The following HERC2 variants were observed in gnomAD, a reference collection of about 807,000 sequenced individuals.
HERC2 encodes the protein E3 ubiquitin-protein ligase HERC2.
In HERC2, 102 loss-of-function variants were observed where a neutral mutation model predicts 537.7. The ratio of observed to expected loss-of-function variants is 0.19; its 90% confidence interval spans 0.16 to 0.22. The LOEUF (loss-of-function observed/expected upper bound fraction) is 0.22. HERC2 is among the 10% of genes least tolerant of loss of function. HERC2 has a pLI of 1.00. For synonymous variants in HERC2, 2,224 were observed against 2,466.2 expected (o/e 0.90, Z 2.91); for missense variants, 4,236 against 6,198.2 (o/e 0.68, Z 10.63).
chr15:28,230,856 G>T (rs1901758553), intron 30 of HERC2, among the ~76,000 whole-genome samples: 1 of 152,032 alleles, frequency 6.6e-6, no homozygotes, highest in South Asian at 2.1e-4. Context: ...AGCAACAGGT[G>T]TGGCTGTGCT....
chr15:28,274,194 C>A, intron 7 of HERC2, 97 bp downstream of exon 7: 2 of 1,300,918 alleles, frequency 1.5e-6, no homozygotes, highest in South Asian at 1.4e-5. Context: ...GAAAAACCAA[C>A]CTACTAGGCT....
chr15:28,178,796 A>T, intron 59 of HERC2, 91 bp downstream of exon 59: 4 of 1,347,378 alleles, frequency 3.0e-6, no homozygotes, highest in Non-Finnish European at 4.0e-6. Context: ...AAACTTAAGA[A>T]AGAATGTAAG....
Position 28,124,181 on chromosome 15 carries a change from G to T in HERC2, c.13044C>A (p.Asn4348Lys). ...LQEIPIIALR[N>K]RLLLLHHLSE... Reference sequence around the variant, plus strand: ...AGAGGTGGTGCAGCAGCAGCAGACGGTTCCTCAGCGCAATGATGGGGATCT... The same window carrying T: ...AGAGGTGGTGCAGCAGCAGCAGACGTTTCCTCAGCGCAATGATGGGGATCT... Residue 4348 changes from asparagine to lysine, a missense_variant, in exon 85 of 93, where the codon AAC (asparagine) becomes AAA (lysine). Coordinates refer to ENST00000261609, the MANE Select transcript of HERC2 (RefSeq NM_004667.6). 1 of 1,564,714 alleles carries T rather than the reference G, an allele frequency of 6.4e-7. No individual in the cohort carries two copies. Among genetic ancestry groups the T allele is most frequent in the South Asian group, 1.2e-5 (1 of 84,272 alleles).
At chr15:28,125,290 T>C (rs1384685576) in intron 83 of HERC2, 97 bp from the exon 84 acceptor site, 1 of 976,806 alleles carries the variant, frequency 1.0e-6, no homozygotes, top group South Asian at 1.4e-5. Context: ...CAACGCTCCC[T>C]GCCCTTCAGC....
intron 92 of HERC2, among the ~76,000 whole-genome samples, chr15:28,112,427 T>A (rs1887747700): frequency 6.6e-6 from 1 of 152,178 alleles, no homozygotes; most frequent in Non-Finnish European, 1.5e-5. Context: ...GGACAAAAAC[T>A]AAGAATTACT....
At chr15:28,276,593 G>T (rs2075880607) in intron 5 of HERC2, among the ~76,000 whole-genome samples, 1 of 151,902 alleles carries the variant, frequency 6.6e-6, no homozygotes. Flanking sequence ...AAATTAGCCG[G>T]GTGTGGTGGT....
intron 79 of HERC2, 46 bp downstream of exon 79, chr15:28,135,426 CAAACAA>C: frequency 6.9e-7 from 1 of 1,447,524 alleles, no homozygotes; most frequent in East Asian, 2.3e-5. Context: ...AGCATTAAAA[CAAACAA>C]AAACAAAGAC....
intron 3 of HERC2, among the ~76,000 whole-genome samples, chr15:28,295,468 C>T (rs1228756334): frequency 6.6e-6 from 1 of 152,128 alleles, no homozygotes; most frequent in Admixed American, 6.6e-5. Flanking sequence ...ACAACCTCTG[C>T]CTCCCAGGTT....
At position 28,261,033 on chromosome 15, in the gene HERC2, T is replaced by G. The variant is rs539113745; in HGVS notation, c.2123-63A>C. Reference sequence around the variant, plus strand: ...TATGACTTCCGCTGCAAGAAAGATATTTCCTAGGCCATTCAGGTCAGACAG... The same window carrying G: ...TATGACTTCCGCTGCAAGAAAGATAGTTCCTAGGCCATTCAGGTCAGACAG... On this transcript the variant is annotated intron_variant, in intron 15 of 92. Transcript: ENST00000261609. The G allele has an allele frequency of 1.5e-5, 19 of 1,277,142 alleles. No homozygotes were observed. In the South Asian group the frequency reaches 2.5e-4, roughly 17 times the overall value. The allele number at this position is 1,277,142 out of a possible 1,614,324, so 79.1% of individuals were successfully genotyped here.
At chr15:28,226,804 C>A (rs550393769) in intron 35 of HERC2, among the ~76,000 whole-genome samples, 1 of 152,248 alleles carries the variant, frequency 6.6e-6, no homozygotes, top group African/African-American at 2.4e-5. Context: ...ATCCAGAGAA[C>A]AGGAGAAAAT....
At chr15:28,307,234 G>A (rs1158556814) in intron 2 of HERC2, among the ~76,000 whole-genome samples, 1 of 152,214 alleles carries the variant, frequency 6.6e-6, no homozygotes, top group East Asian at 1.9e-4. Context: ...CAGTTGTAAT[G>A]CCTACTTTTT....
chr15:28,174,318 T>C (rs374114550), intron 65 of HERC2, 77 bp downstream of exon 65: 1 of 1,043,358 alleles, frequency 9.6e-7, no homozygotes, highest in Middle Eastern at 3.1e-4. Context: ...TCTAATTGTG[T>C]TGGCACAATT....
intron 2 of HERC2, chr15:28,320,459 C>T (rs1234370353): frequency 2.0e-5 from 3 of 152,054 alleles, no homozygotes; most frequent in African/African-American, 7.2e-5. Flanking sequence ...TACCAACACT[C>T]AATACCTGTT....
intron 78 of HERC2, among the ~76,000 whole-genome samples, chr15:28,138,963 G>A (rs1157551107): frequency 6.6e-6 from 1 of 152,218 alleles, no homozygotes; most frequent in African/African-American, 2.4e-5. Flanking sequence ...AGATGACCTT[G>A]AGGGATTCAA....
chr15:28,172,328 T>C (rs1474270164), intron 65 of HERC2, among the ~76,000 whole-genome samples: 1 of 152,170 alleles, frequency 6.6e-6, no homozygotes, highest in Non-Finnish European at 1.5e-5. Context: ...CAACATATAT[T>C]TGAAAAAGAA....
At chr15:28,161,862 A>G (rs1436962263) in intron 69 of HERC2, among the ~76,000 whole-genome samples, 2 of 152,258 alleles carry the variant, frequency 1.3e-5, no homozygotes, top group African/African-American at 4.8e-5. Flanking sequence ...AATTTAGAAT[A>G]TGATAAAACT....
chr15:28,132,335 T>G, intron 80 of HERC2, 74 bp from the exon 81 acceptor site: 1 of 1,359,860 alleles, frequency 7.4e-7, no homozygotes, highest in South Asian at 1.5e-5. Flanking sequence ...TTCACAACAC[T>G]GCCATTCTTT....
chr15:28,274,239 C>T, intron 7 of HERC2, 52 bp downstream of exon 7: 1 of 1,597,036 alleles, frequency 6.3e-7, no homozygotes. Context: ...AAGAACCAGC[C>T]TCAAGCAGGC....
At chr15:28,278,396 AT>A (rs2075934572) in intron 5 of HERC2, among the ~76,000 whole-genome samples, 1 of 152,178 alleles carries the variant, frequency 6.6e-6, no homozygotes, top group African/African-American at 2.4e-5. Context: ...ACAAAAAAAA[AT>A]CATCTCTAGA....
Sources: allele counts gnomAD v4.1 joint callset (sites outside exome capture counted in the v4.1 genomes callset), GRCh38; gene constraint gnomAD v4.1.1; transcripts MANE v1.5; gene names NCBI Gene and HGNC (gene_info 2026-07-23, HGNC 2026-07-21).